Variants in ANK2 observed in about 807,000 individuals in gnomAD.
The protein encoded by ANK2 is ankyrin 2.
Under a neutral mutation model 360.5 loss-of-function variants are expected in ANK2, and 83 were observed. That is an observed-to-expected ratio of 0.23 (90% CI 0.19 to 0.28). The LOEUF (loss-of-function observed/expected upper bound fraction) is 0.28, where lower values mean the gene tolerates loss of function less well. Among genes scored for constraint, ANK2 ranks in the 10% least tolerant of loss-of-function variants. ANK2 has a pLI of 1.00. For missense variants in ANK2, 4,201 were observed against 4,795.7 expected (o/e 0.88, Z 3.66); for synonymous variants, 1,740 against 1,759.5 (o/e 0.99, Z 0.28).
rs904601871 is a variant in ANK2, at chr4:113,196,700, A to C, written c.285+234A>C. Among the ~76,000 whole-genome samples, 12 of 152,142 alleles carry C rather than the reference A, an allele frequency of 7.9e-5. 1 individual carries two copies. In the East Asian group the frequency reaches 9.7e-4, roughly 12 times the overall value. ...GCGCCACCATGCCCAGCTAATTAAAAAAAATTTTTTTAGTATAAATGAGGT... is the reference window on the plus strand; with the variant it reads ...GCGCCACCATGCCCAGCTAATTAAACAAAATTTTTTTAGTATAAATGAGGT... On this transcript the variant is annotated intron_variant, in intron 3 of 45. Coordinates refer to ENST00000357077, the MANE Select transcript of ANK2 (RefSeq NM_001148.6).
upstream of ANK2, among the ~76,000 whole-genome samples, chr4:113,044,905 A>C (rs920787961): frequency 6.6e-6 from 1 of 152,176 alleles, no homozygotes; most frequent in African/African-American, 2.4e-5. Flanking sequence ...TGTGTCCAAA[A>C]GGAAAAAAAA....
intron 1 of ANK2, among the ~76,000 whole-genome samples, chr4:112,895,507 TC>T (rs939060464): frequency 6.6e-6 from 1 of 152,210 alleles, no homozygotes; most frequent in African/African-American, 2.4e-5. Flanking sequence ...GGATTTCTCC[TC>T]AGAGTGGCAG....
the ANK2 span, among the ~76,000 whole-genome samples, chr4:112,706,181 G>A: frequency 6.6e-6 from 1 of 151,804 alleles, no homozygotes; most frequent in African/African-American, 2.4e-5. Context: ...CGGAAGGCGG[G>A]GCCTCCACCC....
At chr4:113,146,077 G>A (rs3112981) in intron 1 of ANK2, 472,641 of 1,266,884 alleles carry the variant, frequency 0.37, 90,471 homozygotes, top group Admixed American at 0.57. Flanking sequence ...TCATTGGTCA[G>A]ACCTCTAAAC....
upstream of ANK2, among the ~76,000 whole-genome samples, chr4:113,048,392 A>G: frequency 7.1e-6 from 1 of 141,028 alleles, no homozygotes; most frequent in East Asian, 2.1e-4. Context: ...TCCCGAGTTC[A>G]AGCAATTCTC....
intron 2 of ANK2, among the ~76,000 whole-genome samples, chr4:113,036,518 TA>T (rs1163471210): frequency 1.3e-5 from 2 of 151,794 alleles, no homozygotes; most frequent in Non-Finnish European, 2.9e-5. Context: ...AGACTACAGA[TA>T]ATCTTCCAAA....
Position 112,832,908 on chromosome 4 carries a change from T to C in ANK2, c.-40+14644T>C, listed in dbSNP as rs80271870. On this transcript the variant is annotated intron_variant, in intron 1 of 30. Coordinates refer to the ANK2 transcript ENST00000503271. ...GTGTTTAAGCACTCATCTGATTAAA[T>C]TGTTTGAAATTTAAGTTGGAAAGAG... 5.6e-3 allele frequency among the ~76,000 whole-genome samples: 857 copies of C among 152,332 alleles called. 4 individuals carry two copies. Among genetic ancestry groups the C allele is most frequent in the African/African-American group, 0.019 (785 of 41,568 alleles).
At chr4:113,051,118 A>C (rs2066779900) in intron 1 of ANK2, among the ~76,000 whole-genome samples, 1 of 152,188 alleles carries the variant, frequency 6.6e-6, no homozygotes, top group Non-Finnish European at 1.5e-5. Context: ...CCAGATCTAG[A>C]CCTTGAGGGC....
In ANK2 at chr4:113,355,577, G is replaced by A; in HGVS notation, c.6959G>A (p.Ser2320Asn). ...ACTCTAGGCTCTCCCAAAGACACAA[G>A]CCCTAAAAGACAAGATGATTGCACA... ...EATLGSPKDT[S>N]PKRQDDCTGS... Residue 2320 changes from serine to asparagine, a missense_variant, in exon 38 of 46, where the codon AGC becomes AAC. Physicochemically the swap from Ser to Asn is conservative, Grantham distance 46. Coordinates refer to ENST00000357077, the MANE Select transcript of ANK2 (RefSeq NM_001148.6). 6.2e-7 allele frequency: 1 copy of A among 1,614,082 alleles called. No individual in the cohort carries two copies. The highest frequency in any genetic ancestry group is 1.1e-5 in the South Asian group (1 of 91,078).
In ANK2 at chr4:113,096,624, A is replaced by C. The variant is rs78307911; in HGVS notation, c.84+46812A>C. Among the ~76,000 whole-genome samples, 1,218 of 152,336 alleles carry C rather than the reference A, an allele frequency of 8.0e-3. 39 individuals are homozygous for C. In the East Asian group the frequency reaches 0.1, roughly 13 times the overall value. The stretch of plus-strand genomic sequence containing the variant: ...ATTCTATTGGTCATCACATAGTTAC[A>C]TGACCATACTTTGCTTTAGATGAGA... On this transcript the variant is annotated intron_variant, in intron 1 of 45. Coordinates refer to ENST00000357077, the MANE Select transcript of ANK2 (RefSeq NM_001148.6).
At chr4:112,788,948 T>C in the ANK2 span, 20 of 596,024 alleles carry the variant, frequency 3.4e-5, no homozygotes, top group Non-Finnish European at 5.6e-5. Flanking sequence ...AAATACAGCA[T>C]AAACTCTCTG....
At chr4:112,814,995 C>T (rs943331595), upstream of ANK2, among the ~76,000 whole-genome samples, 1 of 142,568 alleles carries the variant, frequency 7.0e-6, no homozygotes, top group African/African-American at 2.6e-5. Context: ...TTCCAAGAAA[C>T]TAAATACAAA....
chr4:112,860,051 G>A (rs1052408627), intron 1 of ANK2, among the ~76,000 whole-genome samples: 2 of 152,138 alleles, frequency 1.3e-5, no homozygotes, highest in Non-Finnish European at 2.9e-5. Flanking sequence ...GTGAAAGGAG[G>A]ATTCATACCA....
chr4:112,944,217 A>G (rs531110526), intron 2 of ANK2, among the ~76,000 whole-genome samples: 1 of 152,300 alleles, frequency 6.6e-6, no homozygotes, highest in African/African-American at 2.4e-5. Context: ...TAAGTCATAA[A>G]TGATATATTG....
intron 38 of ANK2, among the ~76,000 whole-genome samples, chr4:113,359,971 G>T (rs2096095968): frequency 6.6e-6 from 1 of 152,176 alleles, no homozygotes; most frequent in Non-Finnish European, 1.5e-5. Flanking sequence ...AGTTTAAGTT[G>T]ACTGTGAGGG....
chr4:113,082,966 C>T (rs1421121235), intron 1 of ANK2, among the ~76,000 whole-genome samples: 1 of 152,142 alleles, frequency 6.6e-6, no homozygotes, highest in Non-Finnish European at 1.5e-5. Context: ...ATGTATCTGG[C>T]AGCCTGGGCA....
the ANK2 span, among the ~76,000 whole-genome samples, chr4:112,732,996 A>G: frequency 6.6e-6 from 1 of 152,114 alleles, no homozygotes; most frequent in Admixed American, 6.6e-5. Flanking sequence ...AGGCCAGTAA[A>G]TCACGAGGTC....
chr4:113,184,690 G>T (rs6832972), intron 2 of ANK2, among the ~76,000 whole-genome samples: 77,876 of 151,504 alleles, frequency 0.51, 21,208 homozygotes, highest in African/African-American at 0.72. Flanking sequence ...TCTGTTTTAT[G>T]GCTGATCATT....
At chr4:113,046,002 T>C (rs1228830538), upstream of ANK2, among the ~76,000 whole-genome samples, 3 of 152,180 alleles carry the variant, frequency 2.0e-5, no homozygotes, top group African/African-American at 7.2e-5. Context: ...AAGATAGATA[T>C]TAATCCTGCC....
Sources: gnomAD v4.1 joint callset for allele counts (sites outside exome capture counted in the v4.1 genomes callset) on GRCh38, gnomAD v4.1.1 for gene constraint, MANE v1.5 for transcripts, NCBI Gene and HGNC (gene_info 2026-07-23, HGNC 2026-07-21) for gene names.